C13orf42: variants seen among roughly 807,000 people sequenced by gnomAD.
C13orf42 encodes uncharacterized protein C13orf42.
At chr13:51,099,623 A>T (rs1953266307) in intron 1 of C13orf42, among the ~76,000 whole-genome samples, 1 of 152,134 alleles carries the variant, frequency 6.6e-6, no homozygotes, top group Non-Finnish European at 1.5e-5. Flanking sequence ...CTTTTTCCCC[A>T]GCTTTATAAT....
intron 2 of C13orf42, among the ~76,000 whole-genome samples, chr13:51,087,219 G>A (rs561676470): frequency 3.6e-4 from 55 of 152,270 alleles, no homozygotes; most frequent in African/African-American, 1.2e-3. Flanking sequence ...GGTGCCCAAG[G>A]ACACGCCTTG....
chr13:51,166,378 G>A (rs1953901932), intron 1 of C13orf42, among the ~76,000 whole-genome samples: 1 of 144,986 alleles, frequency 6.9e-6, no homozygotes, highest in Non-Finnish European at 1.5e-5. Context: ...TCACTCATAG[G>A]TGGGAATTGA....
intron 3 of C13orf42, among the ~76,000 whole-genome samples, chr13:51,084,878 G>A (rs1009004325): frequency 7.9e-5 from 12 of 152,208 alleles, no homozygotes; most frequent in African/African-American, 1.7e-4. Context: ...CCAGCAAGAC[G>A]TTCTACATCT....
chr13:51,122,001 T>G (rs1354795440), intron 1 of C13orf42, among the ~76,000 whole-genome samples: 1 of 152,180 alleles, frequency 6.6e-6, no homozygotes, highest in Non-Finnish European at 1.5e-5. Flanking sequence ...TACAATACAT[T>G]CCCTTTTACG....
chr13:51,155,390 T>C (rs972035075), intron 1 of C13orf42, among the ~76,000 whole-genome samples: 1 of 152,196 alleles, frequency 6.6e-6, no homozygotes, highest in Admixed American at 6.5e-5. Flanking sequence ...ATTTAGGGGA[T>C]TCAAGAAAGG....
chr13:51,097,383 TC>T (rs1461722161), intron 1 of C13orf42, among the ~76,000 whole-genome samples: 1 of 152,198 alleles, frequency 6.6e-6, no homozygotes, highest in Non-Finnish European at 1.5e-5. Context: ...TAATAGAGCT[TC>T]TATTGTCCTT....
intron 1 of C13orf42, among the ~76,000 whole-genome samples, chr13:51,097,371 G>A (rs1005153169): frequency 6.6e-6 from 1 of 152,184 alleles, no homozygotes; most frequent in African/African-American, 2.4e-5. Context: ...GTAGGGTTTG[G>A]TTAATAGAGC....
intron 1 of C13orf42, among the ~76,000 whole-genome samples, chr13:51,162,795 G>T (rs1286138308): frequency 6.6e-6 from 1 of 152,160 alleles, no homozygotes; most frequent in Non-Finnish European, 1.5e-5. Context: ...TTCTCCTGAA[G>T]CACAGCACTG....
chr13:51,169,428 C>A (rs1953928009), intron 1 of C13orf42, among the ~76,000 whole-genome samples: 1 of 150,172 alleles, frequency 6.7e-6, no homozygotes, highest in Non-Finnish European at 1.5e-5. Context: ...AAAAGAAAAA[C>A]CCATTTTCTG....
chr13:51,133,856 A>G lies in C13orf42; in HGVS notation n.137-20634T>C, dbSNP rs576003779. 2.6e-5 allele frequency among the ~76,000 whole-genome samples: 4 copies of G among 152,326 alleles called. No homozygotes were observed. In the East Asian group the frequency reaches 7.7e-4, roughly 29 times the overall value. On this transcript the variant is annotated intron_variant and non_coding_transcript_variant, in intron 1 of 4. Coordinates refer to the C13orf42 transcript ENST00000433280. Reference sequence around the variant, plus strand: ...ACCAGACATCTGGAAACTGACTCCAAAGGGCCTGTGCTGAGCAACATGGAG... The same window carrying G: ...ACCAGACATCTGGAAACTGACTCCAGAGGGCCTGTGCTGAGCAACATGGAG...
chr13:51,132,964 G>A (rs930731869), intron 1 of C13orf42, among the ~76,000 whole-genome samples: 4 of 152,034 alleles, frequency 2.6e-5, no homozygotes, highest in Admixed American at 6.6e-5. Flanking sequence ...CCTCACCAGC[G>A]CCATGACAGT....
chr13:51,120,360 CTG>C (rs1236377230), intron 1 of C13orf42, among the ~76,000 whole-genome samples: 1 of 152,168 alleles, frequency 6.6e-6, no homozygotes, highest in Non-Finnish European at 1.5e-5. Flanking sequence ...AACGCAGAAG[CTG>C]TGTCACTGGA....
intron 1 of C13orf42, among the ~76,000 whole-genome samples, chr13:51,126,135 A>C (rs892374669): frequency 6.6e-6 from 1 of 152,184 alleles, no homozygotes; most frequent in East Asian, 1.9e-4. Context: ...AGTTGTGGCA[A>C]AGGCATTGCC....
At chr13:51,157,725 C>T (rs760317397) in intron 1 of C13orf42, among the ~76,000 whole-genome samples, 12 of 152,188 alleles carry the variant, frequency 7.9e-5, no homozygotes, top group Non-Finnish European at 1.3e-4. Flanking sequence ...GAAGAGGCAA[C>T]CAACTGGTGT....
At chr13:51,134,997 C>T (rs2138024918) in intron 1 of C13orf42, among the ~76,000 whole-genome samples, 1 of 152,346 alleles carries the variant, frequency 6.6e-6, no homozygotes, top group Non-Finnish European at 1.5e-5. Flanking sequence ...ATGCAGTCAT[C>T]AGAGCACTGA....
chr13:51,147,876 G>C (rs1019497801), intron 1 of C13orf42, among the ~76,000 whole-genome samples: 12 of 152,166 alleles, frequency 7.9e-5, no homozygotes, highest in African/African-American at 2.7e-4. Context: ...GGGAGGAACG[G>C]GTCTGTGGCT....
intron 1 of C13orf42, among the ~76,000 whole-genome samples, chr13:51,093,887 T>C (rs903255565): frequency 6.6e-6 from 1 of 152,234 alleles, no homozygotes; most frequent in Non-Finnish European, 1.5e-5. Flanking sequence ...GAATACTTGC[T>C]CTTTTTTTCC....
chr13:51,092,701 T>C lies in C13orf42; in HGVS notation c.415-4626A>G, dbSNP rs1364403760. 3.3e-5 allele frequency among the ~76,000 whole-genome samples: 5 copies of C among 152,196 alleles called. No individual in the cohort carries two copies. The East Asian group carries it at 9.6e-4, about 29-fold the overall frequency. On this transcript the variant is annotated intron_variant, in intron 1 of 3. Transcript: ENST00000563710. ...ATTATAAATTATAAGAAGTCCAAAT[T>C]ATATAAACCAGTTTGGGAACAAATA...
At chr13:51,166,279 C>T (rs986503790) in intron 1 of C13orf42, among the ~76,000 whole-genome samples, 3 of 151,554 alleles carry the variant, frequency 2.0e-5, no homozygotes, top group Non-Finnish European at 2.9e-5. Flanking sequence ...ATGATGAGTT[C>T]ATGTCCTTTG....
Sources: allele counts gnomAD v4.1 joint callset (sites outside exome capture counted in the v4.1 genomes callset), GRCh38; gene constraint gnomAD v4.1.1; transcripts MANE v1.5; gene names NCBI Gene and HGNC (gene_info 2026-07-23, HGNC 2026-07-21).